Variants in ARHGEF38 observed in about 807,000 individuals in gnomAD.
ARHGEF38 encodes the protein Rho guanine nucleotide exchange factor (GEF) 38.
In ARHGEF38, 79 loss-of-function variants were observed where a neutral mutation model predicts 79.9. The observed-to-expected ratio is 0.99, with a 90% CI of 0.82 to 1.19. The LOEUF is 1.19. ARHGEF38 is among the 50% of genes most tolerant of loss of function. The probability of loss-of-function intolerance (pLI) is 0.00; values close to 1 mark genes in which losing one functional copy is unlikely to be tolerated. For synonymous variants in ARHGEF38, 366 were observed against 328.3 expected (o/e 1.11, Z -1.24); for missense variants, 962 against 907.2 (o/e 1.06, Z -0.78).
rs1730294436 is a variant in ARHGEF38 at position 105,655,715 on chromosome 4, A to G, written c.1226A>G (p.His409Arg). Reference protein sequence around the residue: ...ETLSNALNSCHDFASHLQRLI... With the variant: ...ETLSNALNSCRDFASHLQRLI... ...CTAAGTAATGCCTTAAATTCGTGTC[A>G]TGACTTTGTAAGTTATTTATATTCA... Residue 409 changes from histidine to arginine, a missense_variant, in exon 9 of 14, where the codon CAT becomes CGT. By Grantham distance (29) the His-to-Arg change is conservative. Transcript: ENST00000420470. The G allele has an allele frequency of 6.5e-7, 1 of 1,534,704 alleles. No individual in the cohort carries two copies. Among genetic ancestry groups the G allele is most frequent in the South Asian group, 1.2e-5 (1 of 83,704 alleles).
At chr4:105,589,499 A>G in intron 2 of ARHGEF38, 64 bp downstream of exon 2, 3 of 1,416,372 alleles carry the variant, frequency 2.1e-6, no homozygotes, top group Non-Finnish European at 2.9e-6. Flanking sequence ...TAGCACCATG[A>G]AATTGAAGCA....
chr4:105,679,157 T>A lies in ARHGEF38; in HGVS notation c.*1220T>A. 1.6e-6 allele frequency: 1 copy of A among 621,628 alleles called. No homozygotes were observed. Among genetic ancestry groups the A allele is most frequent in the Non-Finnish European group, 2.8e-6 (1 of 357,660 alleles). 38.5% of individuals were successfully genotyped at this position (621,628 alleles called of 1,614,324 possible). ...GAGCAACTGCTTTGTCGACTCTCTC[T>A]ACCTGACCAATTGCCAGATCGACAA... On this transcript the variant is annotated 3_prime_UTR_variant, in exon 14 of 14. Coordinates refer to ENST00000420470, the MANE Select transcript of ARHGEF38 (RefSeq NM_001242729.2).
At chr4:105,589,126 A>G (rs1727195359) in intron 1 of ARHGEF38, 122 bp from the exon 2 acceptor site, 1 of 723,064 alleles carries the variant, frequency 1.4e-6, no homozygotes, top group Admixed American at 3.0e-5. Flanking sequence ...TCCTAAGAAA[A>G]CATCATGAGG....
At chr4:105,562,860 G>A (rs899005360) in intron 1 of ARHGEF38, among the ~76,000 whole-genome samples, 1 of 152,178 alleles carries the variant, frequency 6.6e-6, no homozygotes, top group African/African-American at 2.4e-5. Context: ...GAAAAGGGAA[G>A]GACATAAGCC....
intron 1 of ARHGEF38, among the ~76,000 whole-genome samples, chr4:105,588,506 A>G (rs1461987725): frequency 2.6e-5 from 4 of 152,190 alleles, no homozygotes; most frequent in Non-Finnish European, 4.4e-5. Flanking sequence ...TCGTCCTTGA[A>G]GATACTTAGC....
chr4:105,576,887 T>C (rs1726529135), intron 1 of ARHGEF38, among the ~76,000 whole-genome samples: 1 of 152,160 alleles, frequency 6.6e-6, no homozygotes. Flanking sequence ...TGATTTGTGT[T>C]TTTAATTCTG....
intron 1 of ARHGEF38, among the ~76,000 whole-genome samples, chr4:105,576,913 G>T (rs377740094): frequency 6.6e-6 from 1 of 151,956 alleles, no homozygotes; most frequent in Non-Finnish European, 1.5e-5. Context: ...GTGATGTATC[G>T]CACATATTGA....
Position 105,628,586 on chromosome 4 carries a change from G to GA in ARHGEF38, c.509-2309dup, listed in dbSNP as rs1304110599. On this transcript the variant is annotated intron_variant, in intron 3 of 13. Transcript: ENST00000420470. Reference sequence around the variant, plus strand: ...GAAGGATGAACTCTATAGGATATCAGAAACAAAACAAGAATCCTGTGTCCT... The same window carrying GA: ...GAAGGATGAACTCTATAGGATATCAGAAAACAAAACAAGAATCCTGTGTCCT... Among the ~76,000 whole-genome samples, 4 of 152,070 alleles carry GA rather than the reference G, an allele frequency of 2.6e-5. No individual in the cohort carries two copies. The East Asian group carries it at 7.7e-4, about 29-fold the overall frequency.
chr4:105,564,257 G>T (rs547110493), intron 1 of ARHGEF38, among the ~76,000 whole-genome samples: 1 of 152,248 alleles, frequency 6.6e-6, no homozygotes, highest in South Asian at 2.1e-4. Context: ...TAATATGTAT[G>T]ATACATTAAT....
intron 1 of ARHGEF38, among the ~76,000 whole-genome samples, chr4:105,574,757 A>G (rs1023891338): frequency 6.6e-6 from 1 of 151,968 alleles, no homozygotes; most frequent in Non-Finnish European, 1.5e-5. Context: ...TTGGGGTACA[A>G]GTCTTTTTTG....
chr4:105,592,785 G>A (rs1449799822), intron 2 of ARHGEF38, among the ~76,000 whole-genome samples: 1 of 152,158 alleles, frequency 6.6e-6, no homozygotes, highest in Non-Finnish European at 1.5e-5. Flanking sequence ...AAAGAAACTA[G>A]AAACAATAAG....
At chr4:105,641,709 G>A (rs577581053) in intron 5 of ARHGEF38, among the ~76,000 whole-genome samples, 227 of 148,482 alleles carry the variant, frequency 1.5e-3, no homozygotes, top group African/African-American at 5.4e-3. Context: ...TAGATGCGCT[G>A]CATGTTGAAT....
chr4:105,557,258 A>T (rs181081210), intron 1 of ARHGEF38, among the ~76,000 whole-genome samples: 16 of 152,272 alleles, frequency 1.1e-4, no homozygotes, highest in Non-Finnish European at 2.2e-4. Flanking sequence ...CAGTATGTAG[A>T]TATAGATATA....
intron 5 of ARHGEF38, among the ~76,000 whole-genome samples, chr4:105,637,823 AGTTCATTGTATTGAAAC>A (rs1349013665): frequency 2.6e-5 from 4 of 152,174 alleles, no homozygotes; most frequent in African/African-American, 9.7e-5. Context: ...ATACTTAAAC[AGTTCATTGTATTGAAAC>A]ACGCTTAAAA....
At chr4:105,566,745 C>A (rs910531603) in intron 1 of ARHGEF38, among the ~76,000 whole-genome samples, 1 of 132,394 alleles carries the variant, frequency 7.6e-6, no homozygotes, top group Non-Finnish European at 1.6e-5. Flanking sequence ...CAGCCTCTGG[C>A]AGCCATCTTT....
chr4:105,602,003 A>C (rs556473680), intron 2 of ARHGEF38, among the ~76,000 whole-genome samples: 48 of 152,166 alleles, frequency 3.2e-4, no homozygotes, highest in South Asian at 4.1e-4. Flanking sequence ...ACAGTGCTTT[A>C]TACATGAGCA....
At chr4:105,660,000 G>A (rs1030811968) in intron 10 of ARHGEF38, among the ~76,000 whole-genome samples, 6 of 152,022 alleles carry the variant, frequency 3.9e-5, no homozygotes, top group Non-Finnish European at 7.4e-5. Context: ...TTGGCCCTAC[G>A]TTTCAACTAC....
At chr4:105,644,529 A>G (rs1233705938) in intron 5 of ARHGEF38, among the ~76,000 whole-genome samples, 2 of 152,252 alleles carry the variant, frequency 1.3e-5, no homozygotes, top group Non-Finnish European at 2.9e-5. Context: ...AAAGTCAGGC[A>G]TGAGTCTCAC....
intron 13 of ARHGEF38, among the ~76,000 whole-genome samples, chr4:105,672,560 A>C (rs1299153797): frequency 6.6e-6 from 1 of 152,202 alleles, no homozygotes; most frequent in Non-Finnish European, 1.5e-5. Flanking sequence ...CCTTTTGTCC[A>C]TCAAATAGTA....
Sources: allele counts gnomAD v4.1 joint callset (sites outside exome capture counted in the v4.1 genomes callset), GRCh38; gene constraint gnomAD v4.1.1; transcripts MANE v1.5; gene names NCBI Gene and HGNC (gene_info 2026-07-23, HGNC 2026-07-21).